The following ADARB2 variants were observed in gnomAD, a reference collection of about 807,000 sequenced individuals.
ADARB2 encodes the protein adenosine deaminase RNA specific B2 (inactive).
In ADARB2, 25 loss-of-function variants were observed where a neutral mutation model predicts 62.2. The ratio of observed to expected loss-of-function variants is 0.40; its 90% CI spans 0.29 to 0.56. The LOEUF (loss-of-function observed/expected upper bound fraction) is 0.56, where lower values mean the gene tolerates loss of function less well. ADARB2 is among the 20% of genes least tolerant of loss of function. ADARB2 has a pLI of 0.43. For missense variants in ADARB2, 1,071 were observed against 1,077.4 expected (o/e 0.99, Z 0.08); for synonymous variants, 572 against 500.8 (o/e 1.14, Z -1.90).
intron 1 of ADARB2, among the ~76,000 whole-genome samples, chr10:1,729,027 T>A (rs1216911612): frequency 1.3e-5 from 2 of 152,260 alleles, no homozygotes; most frequent in African/African-American, 4.8e-5. Context: ...TGGCATAGAA[T>A]TCTGAGAATT....
intron 1 of ADARB2, among the ~76,000 whole-genome samples, chr10:1,558,616 A>T (rs12769719): frequency 2.2e-5 from 1 of 46,230 alleles, no homozygotes; most frequent in African/African-American, 7.9e-5. Flanking sequence ...TGCATGCTCC[A>T]TCTAAACTCG....
chr10:1,447,885 C>A (rs987935122), intron 1 of ADARB2, among the ~76,000 whole-genome samples: 10 of 152,142 alleles, frequency 6.6e-5, no homozygotes, highest in Non-Finnish European at 1.3e-4. Flanking sequence ...CAGCTTCACC[C>A]ACGTTGCTGC....
At chr10:1,418,594 G>A (rs1421605829) in intron 1 of ADARB2, among the ~76,000 whole-genome samples, 1 of 152,166 alleles carries the variant, frequency 6.6e-6, no homozygotes, top group Non-Finnish European at 1.5e-5. Flanking sequence ...GCAGTTGTCC[G>A]AAGCTTCTGG....
At chr10:1,309,411 C>T (rs554900808) in intron 3 of ADARB2, among the ~76,000 whole-genome samples, 6 of 152,306 alleles carry the variant, frequency 3.9e-5, no homozygotes, top group Non-Finnish European at 5.9e-5. Context: ...GCACTGGCAG[C>T]GCTCCCTGGG....
chr10:1,596,860 G>A (rs751985767), intron 1 of ADARB2, among the ~76,000 whole-genome samples: 17 of 152,200 alleles, frequency 1.1e-4, no homozygotes, highest in Non-Finnish European at 2.2e-4. Context: ...AGGATTTACT[G>A]GCACCCGGAG....
At chr10:1,515,628 A>G (rs1319423004) in intron 1 of ADARB2, among the ~76,000 whole-genome samples, 1 of 152,218 alleles carries the variant, frequency 6.6e-6, no homozygotes, top group Non-Finnish European at 1.5e-5. Flanking sequence ...CTTTGTCCCC[A>G]CAGTGAGAGG....
rs1158719612 is a variant in ADARB2, at chr10:1,560,615, G to C, written c.100+176436C>G. Among the ~76,000 whole-genome samples the C allele has an allele frequency of 2.6e-5, 4 of 151,948 alleles. 1 individual carries two copies. The highest frequency in any genetic ancestry group is 7.3e-5 in the African/African-American group (3 of 41,346). On this transcript the variant is annotated intron_variant, in intron 1 of 9. Transcript: ENST00000381312. Reference sequence around the variant, plus strand: ...TTGGATTGGAGAGTTCTCCAGCAAAGCTGGAGAGTCTGGCAGTCCTGGAAA... The same window carrying C: ...TTGGATTGGAGAGTTCTCCAGCAAACCTGGAGAGTCTGGCAGTCCTGGAAA...
intron 1 of ADARB2, among the ~76,000 whole-genome samples, chr10:1,478,824 G>A (rs761344683): frequency 2.4e-4 from 36 of 151,962 alleles, no homozygotes; most frequent in Non-Finnish European, 4.7e-4. Flanking sequence ...CTTCGGACGG[G>A]AGAGCACCAA....
intron 6 of ADARB2, among the ~76,000 whole-genome samples, chr10:1,217,643 G>A (rs765240809): frequency 1.2e-4 from 19 of 152,302 alleles, no homozygotes; most frequent in Middle Eastern, 3.4e-3. Context: ...TGTCAGTCCC[G>A]GCTCCATGGT....
chr10:1,298,656 C>CAAGGGCACGTGCCCCACTGCA (rs1831545025), intron 3 of ADARB2, among the ~76,000 whole-genome samples: 1 of 149,586 alleles, frequency 6.7e-6, no homozygotes, highest in Admixed American at 6.7e-5. Context: ...GAGCTCCCCT[C>CAAGGGCACGTGCCCCACTGCA]AAGGGCACGT....
At chr10:1,484,998 G>A (rs1831522561) in intron 1 of ADARB2, among the ~76,000 whole-genome samples, 1 of 152,032 alleles carries the variant, frequency 6.6e-6, no homozygotes, top group Non-Finnish European at 1.5e-5. Flanking sequence ...CGGCATTCAG[G>A]TATGTATACA....
intron 1 of ADARB2, among the ~76,000 whole-genome samples, chr10:1,444,264 TC>T (rs1450655545): frequency 9.2e-5 from 10 of 108,468 alleles, no homozygotes; most frequent in African/African-American, 3.9e-4. Context: ...TCACCATCCA[TC>T]TATTTCCATC....
At chr10:1,348,918 C>T (rs1428138163) in intron 3 of ADARB2, among the ~76,000 whole-genome samples, 1 of 152,168 alleles carries the variant, frequency 6.6e-6, no homozygotes, top group South Asian at 2.1e-4. Context: ...TCACCAGGTG[C>T]TGCGAGAACG....
chr10:1,712,203 A>C (rs1834956168), intron 1 of ADARB2, among the ~76,000 whole-genome samples: 2 of 152,216 alleles, frequency 1.3e-5, no homozygotes, highest in Non-Finnish European at 2.9e-5. Flanking sequence ...AGTGACAATG[A>C]CTATTTTCTT....
At chr10:1,213,766 G>C (rs939795848) in intron 7 of ADARB2, among the ~76,000 whole-genome samples, 2 of 152,240 alleles carry the variant, frequency 1.3e-5, no homozygotes, top group African/African-American at 4.8e-5. Flanking sequence ...GTAGACCTTT[G>C]TTTTTCAAGG....
chr10:1,567,877 C>A (rs1350678902), intron 1 of ADARB2, among the ~76,000 whole-genome samples: 1 of 152,186 alleles, frequency 6.6e-6, no homozygotes, highest in African/African-American at 2.4e-5. Flanking sequence ...AGCAGCCAGA[C>A]AGGCCCGGGA....
intron 1 of ADARB2, chr10:1,526,698 A>C (rs1308329090): frequency 3.3e-6 from 1 of 302,250 alleles, no homozygotes; most frequent in African/African-American, 2.2e-5. Flanking sequence ...ATGGCTGCAC[A>C]AACCTTTCTT....
chr10:1,408,614 T>A (rs1832727425), intron 1 of ADARB2, among the ~76,000 whole-genome samples: 1 of 152,094 alleles, frequency 6.6e-6, no homozygotes, highest in Non-Finnish European at 1.5e-5. Context: ...TGAGTGCAAT[T>A]TTAAAAGCTT....
chr10:1,681,729 C>A (rs889305280), intron 1 of ADARB2, among the ~76,000 whole-genome samples: 4 of 152,226 alleles, frequency 2.6e-5, no homozygotes, highest in Admixed American at 6.5e-5. Context: ...TACTCTCAAG[C>A]AGCCCAGTCC....
Sources: allele counts gnomAD v4.1 joint callset (sites outside exome capture counted in the v4.1 genomes callset), GRCh38; gene constraint gnomAD v4.1.1; transcripts MANE v1.5; gene names NCBI Gene and HGNC (gene_info 2026-07-23, HGNC 2026-07-21).